Variants in CDK5RAP2 observed in about 807,000 individuals in gnomAD.
CDK5RAP2 encodes the protein CDK5 regulatory subunit associated protein 2.
CDK5RAP2 carries 147 observed loss-of-function variants against 232.9 expected under a neutral mutation model. The observed-to-expected ratio is 0.63, with a 90% confidence interval of 0.55 to 0.72. CDK5RAP2 has a LOEUF of 0.72. Among genes scored for constraint, CDK5RAP2 ranks in the 30% least tolerant of loss-of-function variants. CDK5RAP2 has a pLI of 0.00. For synonymous variants in CDK5RAP2, 833 were observed against 833.7 expected (o/e 1.00, Z 0.01); for missense variants, 2,195 against 2,231.5 (o/e 0.98, Z 0.33).
chr9:120,460,537 T>C (rs1226655999), intron 19 of CDK5RAP2, 35 bp downstream of exon 19: 17 of 1,589,870 alleles, frequency 1.1e-5, no homozygotes, highest in East Asian at 2.2e-5. Flanking sequence ...TAGAGTGGAG[T>C]AGATGAAATA....
In CDK5RAP2 at chr9:120,407,236, T is replaced by C. The variant is rs145216224; in HGVS notation, c.4739A>G (p.Glu1580Gly). 4 of 1,612,190 alleles carry C rather than the reference T, an allele frequency of 2.5e-6. No individual in the cohort carries two copies. Among genetic ancestry groups the C allele is most frequent in the Non-Finnish European group, 3.4e-6 (4 of 1,179,612 alleles). ...EHRRLREASG[E>G]GWKGQDPFRD... Reference sequence around the variant, plus strand: ...GAAAGGATCCTGCCCCTTCCAGCCTTCTCCCGACGCCTCTGAGGACATGTG... The same window carrying C: ...GAAAGGATCCTGCCCCTTCCAGCCTCCTCCCGACGCCTCTGAGGACATGTG... The change falls in exon 32 of 38, where the codon GAA (glutamate) becomes GGA (glycine). Residue 1580 changes from glutamate (E) to glycine (G), a missense_variant. Transcript: ENST00000349780.
intron 3 of CDK5RAP2, among the ~76,000 whole-genome samples, chr9:120,562,681 C>T (rs751423726): frequency 8.6e-5 from 13 of 151,880 alleles, no homozygotes; most frequent in East Asian, 1.9e-4. Context: ...ACTCTGGCCC[C>T]GCATGCCCCC....
At chr9:120,415,455 T>C (rs1202984339) in intron 27 of CDK5RAP2, among the ~76,000 whole-genome samples, 2 of 152,250 alleles carry the variant, frequency 1.3e-5, no homozygotes, top group Non-Finnish European at 2.9e-5. Context: ...TTCTTCCAAA[T>C]ATCAAATATT....
At chr9:120,483,887 C>T (rs1235297831) in intron 14 of CDK5RAP2, among the ~76,000 whole-genome samples, 2 of 152,204 alleles carry the variant, frequency 1.3e-5, no homozygotes, top group Non-Finnish European at 2.9e-5. Flanking sequence ...TCTTGGTAAT[C>T]AAGGCAATTT....
chr9:120,573,717 A>G, intron 1 of CDK5RAP2, among the ~76,000 whole-genome samples: 1 of 152,364 alleles, frequency 6.6e-6, no homozygotes, highest in South Asian at 2.1e-4. Context: ...AACAAGACAA[A>G]GGAAATATAC....
chr9:120,439,819 T>G lies in CDK5RAP2; in HGVS notation c.3302A>C (p.Glu1101Ala). 2 of 1,614,200 alleles carry G rather than the reference T, an allele frequency of 1.2e-6. No individual in the cohort carries two copies. Among genetic ancestry groups the G allele is most frequent in the South Asian group, 2.2e-5 (2 of 91,080 alleles). ...KVSVMGTDQSESINTSNETEY... is the reference protein window; with the variant it reads ...KVSVMGTDQSASINTSNETEY... ...TGTCTCATTTGAGGTATTAATGCTC[T>G]CTGACTGATCAGTCCCCATCACACT... The change falls in exon 24 of 38, where the codon GAG (glutamate) becomes GCG (alanine). Residue 1101 changes from glutamate (E) to alanine (A), a missense_variant. Glu to Ala is a moderately radical substitution (Grantham distance 107, BLOSUM62 -1). Transcript: ENST00000349780.
chr9:120,448,010 C>A lies in CDK5RAP2; in HGVS notation c.2910G>T (p.Glu970Asp), dbSNP rs764662179. The change falls in exon 22 of 38, where the codon GAG becomes GAT. Residue 970 changes from glutamate to aspartate, a missense_variant. Coordinates refer to ENST00000349780, the MANE Select transcript of CDK5RAP2 (RefSeq NM_018249.6). The stretch of plus-strand genomic sequence containing the variant: ...TAAACTCCTTCAGCTCCCCCTGCAG[C>A]TCCAAGATCTGGCTCTGCAGCTGCG... ...VVTQLQSQIL[E>D]LQGELKEFKT... The A allele has an allele frequency of 6.2e-7, 1 of 1,614,062 alleles. No homozygotes were observed. Among genetic ancestry groups the A allele is most frequent in the Non-Finnish European group, 8.5e-7 (1 of 1,179,912 alleles).
At chr9:120,447,849 A>T in intron 22 of CDK5RAP2, 46 bp downstream of exon 22, 5 of 1,335,526 alleles carry the variant, frequency 3.7e-6, no homozygotes, top group Non-Finnish European at 4.3e-6. Context: ...AGTTCTATCG[A>T]GCCGTTTGTC....
chr9:120,498,281 T>C (rs942259092), intron 12 of CDK5RAP2, among the ~76,000 whole-genome samples: 9 of 152,180 alleles, frequency 5.9e-5, no homozygotes, highest in Non-Finnish European at 1.2e-4. Flanking sequence ...CTCATTCCTT[T>C]GACTCCGACG....
intron 9 of CDK5RAP2, 134 bp from the exon 10 acceptor site, chr9:120,528,059 G>T: frequency 7.9e-7 from 1 of 1,268,864 alleles, no homozygotes; most frequent in Non-Finnish European, 1.1e-6. Context: ...ATGTTTCCAA[G>T]TGGAGCTGAA....
intron 12 of CDK5RAP2, among the ~76,000 whole-genome samples, chr9:120,510,218 G>C (rs1166436644): frequency 6.6e-6 from 1 of 152,134 alleles, no homozygotes; most frequent in Non-Finnish European, 1.5e-5. Flanking sequence ...ACCCACTCCT[G>C]TCAAAGCACA....
chr9:120,528,195 T>C (rs1466197409), intron 9 of CDK5RAP2, among the ~76,000 whole-genome samples: 6 of 152,244 alleles, frequency 3.9e-5, no homozygotes, highest in Admixed American at 1.3e-4. Context: ...CAATGCCTTA[T>C]GGAATTTGAA....
At chr9:120,539,774 AT>A (rs1172211527) in intron 5 of CDK5RAP2, among the ~76,000 whole-genome samples, 4 of 152,212 alleles carry the variant, frequency 2.6e-5, no homozygotes, top group Non-Finnish European at 5.9e-5. Context: ...TAGAAAGGGA[AT>A]AGCTGGGTCA....
intron 4 of CDK5RAP2, among the ~76,000 whole-genome samples, chr9:120,546,614 C>CTTTTGTTT (rs566536271): frequency 5.9e-5 from 9 of 152,208 alleles, no homozygotes; most frequent in East Asian, 5.8e-4. Context: ...GGAAATCTCC[C>CTTTTGTTT]TTTTGTTTTT....
At chr9:120,491,960 T>C (rs988515509) in intron 12 of CDK5RAP2, among the ~76,000 whole-genome samples, 1 of 152,158 alleles carries the variant, frequency 6.6e-6, no homozygotes, top group Admixed American at 6.5e-5. Context: ...TTTTTACTTA[T>C]TTTTCTAAGT....
intron 23 of CDK5RAP2, chr9:120,440,404 A>G (rs2035832877): frequency 4.3e-6 from 1 of 231,824 alleles, no homozygotes; most frequent in Non-Finnish European, 8.6e-6. Context: ...GTGCTGTGTC[A>G]TGCCTCCATG....
intron 29 of CDK5RAP2, 124 bp downstream of exon 29, chr9:120,411,234 G>T: frequency 1.3e-6 from 1 of 754,872 alleles, no homozygotes; most frequent in Non-Finnish European, 2.4e-6. Flanking sequence ...CAATTAAATG[G>T]TGTAAAGCCA....
chr9:120,426,659 T>A (rs1192723078), intron 25 of CDK5RAP2, among the ~76,000 whole-genome samples: 1 of 152,080 alleles, frequency 6.6e-6, no homozygotes, highest in Non-Finnish European at 1.5e-5. Flanking sequence ...CTCTTCAGGA[T>A]CAGAAAAGGA....
chr9:120,489,971 C>T (rs916207157), intron 13 of CDK5RAP2, among the ~76,000 whole-genome samples: 2 of 152,116 alleles, frequency 1.3e-5, no homozygotes, highest in African/African-American at 4.8e-5. Flanking sequence ...CCACACCTGG[C>T]TAATTCTGTA....
Sources: allele counts gnomAD v4.1 joint callset (sites outside exome capture counted in the v4.1 genomes callset), GRCh38; gene constraint gnomAD v4.1.1; transcripts MANE v1.5; gene names NCBI Gene and HGNC (gene_info 2026-07-23, HGNC 2026-07-21).